Variants in SLC31A2 observed in about 807,000 individuals in gnomAD.
SLC31A2 encodes protein SLC31A2.
Under a neutral mutation model 14.4 loss-of-function variants are expected in SLC31A2, and 16 were observed. The observed-to-expected ratio is 1.11, with a 90% CI of 0.75 to 1.69. SLC31A2 has a LOEUF of 1.69. Ranked by LOEUF, SLC31A2 falls within the 40% of genes most tolerant of loss-of-function variation. SLC31A2 has a pLI of 0.00. For missense variants in SLC31A2, 140 were observed against 173.9 expected, an observed-to-expected ratio of 0.81 and a Z score of 1.10; for synonymous variants, 56 against 68.7, an observed-to-expected ratio of 0.82 and a Z score of 0.91.
At position 113,162,990 on chromosome 9, in the gene SLC31A2, T is replaced by G; in HGVS notation, c.*73T>G. ...CTCTTCCAGACACTATACTTCCAACTGCCCTTTCTTCTGATGGCTATTCCT... is the reference window on the plus strand; with the variant it reads ...CTCTTCCAGACACTATACTTCCAACGGCCCTTTCTTCTGATGGCTATTCCT... On this transcript the variant is annotated 3_prime_UTR_variant, in exon 4 of 4. Transcript: ENST00000259392. 7.4e-7 allele frequency: 1 copy of G among 1,343,346 alleles called. No individual in the cohort carries two copies. The highest frequency in any genetic ancestry group is 9.9e-7 in the Non-Finnish European group (1 of 1,006,322). 83.2% of individuals were successfully genotyped at this position (1,343,346 alleles called of 1,614,324 possible).
intron 3 of SLC31A2, chr9:113,162,118 C>T (rs763268785): frequency 5.7e-5 from 19 of 334,236 alleles, no homozygotes; most frequent in Non-Finnish European, 9.7e-5. Context: ...CTCCTCCCTT[C>T]CCACTCGAAT....
In SLC31A2 at chr9:113,163,123, C is replaced by T. The variant is rs568238005; in HGVS notation, c.*206C>T. On this transcript the variant is annotated 3_prime_UTR_variant, in exon 4 of 4. Transcript: ENST00000259392. ...CCTTCTCAGCCAGCCTACGTAGGGC[C>T]CAGGCATGGTCTTGTGTCTTAAGAC... 1 of 472,320 alleles carries T rather than the reference C, an allele frequency of 2.1e-6. No individual in the cohort carries two copies. Among genetic ancestry groups the T allele is most frequent in the Non-Finnish European group, 3.7e-6 (1 of 266,782 alleles). 29.3% of individuals were successfully genotyped at this position (472,320 alleles called of 1,614,324 possible).
At chr9:113,152,046 C>G (rs1314521546) in intron 1 of SLC31A2, 4 of 152,204 alleles carry the variant, frequency 2.6e-5, no homozygotes, top group Non-Finnish European at 5.9e-5. Context: ...AAAGCACTTG[C>G]AAAAGTTCCC....
Position 113,162,868 on chromosome 9 carries a change from G to C in SLC31A2, c.383G>C (p.Gly128Ala), listed in dbSNP as rs1830037735. 1 of 1,613,218 alleles carries C rather than the reference G, an allele frequency of 6.2e-7. No homozygotes were observed. Among genetic ancestry groups the C allele is most frequent in the African/African-American group, 1.3e-5 (1 of 74,878 alleles). The change falls in exon 4 of 4, where the codon GGC becomes GCC. Residue 128 changes from glycine to alanine, a missense_variant. By Grantham distance (60) the Gly-to-Ala change is moderately conservative. Coordinates refer to ENST00000259392, the MANE Select transcript of SLC31A2 (RefSeq NM_001860.3). ...TGGATTTTCCTTGGTGTGGTCTTGG[G>C]CTCTGCTGTGGGCTACTACCTAGCT... ...NTWIFLGVVL[G>A]SAVGYYLAYP...
intron 3 of SLC31A2, 23 bp from the exon 4 acceptor site, chr9:113,162,726 A>G: frequency 1.3e-6 from 2 of 1,599,294 alleles, no homozygotes; most frequent in South Asian, 2.2e-5. Context: ...ACCAGGATTA[A>G]CTTGCTTCTC....
intron 2 of SLC31A2, among the ~76,000 whole-genome samples, chr9:113,159,554 GA>G (rs887613344): frequency 2.6e-5 from 4 of 151,962 alleles, no homozygotes; most frequent in Non-Finnish European, 4.4e-5. Context: ...GAGCCTGTGG[GA>G]AAAAAAACCC....
At chr9:113,162,694 G>C (rs948098212) in intron 3 of SLC31A2, 55 bp from the exon 4 acceptor site, 1 of 1,524,442 alleles carries the variant, frequency 6.6e-7, no homozygotes, top group Non-Finnish European at 8.9e-7. Context: ...TCTACTCCCA[G>C]CTTCCTCATT....
At chr9:113,157,615 C>A in intron 1 of SLC31A2, 112 bp from the exon 2 acceptor site, 1 of 827,820 alleles carries the variant, frequency 1.2e-6, no homozygotes. Context: ...GCCCTTCCAG[C>A]ACTTCCAGTG....
intron 1 of SLC31A2, among the ~76,000 whole-genome samples, chr9:113,154,590 A>G (rs1829910391): frequency 1.3e-5 from 2 of 152,200 alleles, no homozygotes; most frequent in African/African-American, 4.8e-5. Flanking sequence ...ACTTTTAATA[A>G]GGCCCTGGAG....
At chr9:113,159,180 G>C (rs910290724) in intron 2 of SLC31A2, among the ~76,000 whole-genome samples, 1 of 152,098 alleles carries the variant, frequency 6.6e-6, no homozygotes, top group African/African-American at 2.4e-5. Context: ...GCCCAGGCTG[G>C]AATGCAGTGG....
chr9:113,157,582 G>T, intron 1 of SLC31A2, 145 bp from the exon 2 acceptor site: 4 of 650,542 alleles, frequency 6.1e-6, no homozygotes, highest in Admixed American at 5.0e-5. Flanking sequence ...TATGGCCTCA[G>T]TTGGCCCTGA....
chr9:113,155,352 C>T (rs1240097789), intron 1 of SLC31A2, among the ~76,000 whole-genome samples: 1 of 152,210 alleles, frequency 6.6e-6, no homozygotes, highest in Non-Finnish European at 1.5e-5. Context: ...AGCAACTTGG[C>T]AAGTTACTTA....
Position 113,162,892 on chromosome 9 carries a change from C to T in SLC31A2, c.407C>T (p.Ala136Val). The change falls in exon 4 of 4, where the codon GCT (alanine) becomes GTT (valine). Residue 136 changes from alanine (A) to valine (V), a missense_variant. Coordinates refer to ENST00000259392, the MANE Select transcript of SLC31A2 (RefSeq NM_001860.3). ...GGCTCTGCTGTGGGCTACTACCTAG[C>T]TTACCCACTTCTCAGCACAGCTTAG... is the stretch of plus-strand genomic sequence containing the variant. ...VLGSAVGYYL[A>V]YPLLSTA The T allele has an allele frequency of 2.5e-6, 4 of 1,611,966 alleles. No individual in the cohort carries two copies. Among genetic ancestry groups the T allele is most frequent in the Non-Finnish European group, 3.4e-6 (4 of 1,179,258 alleles).
intron 2 of SLC31A2, among the ~76,000 whole-genome samples, chr9:113,158,505 C>T (rs1368965311): frequency 1.3e-5 from 2 of 152,188 alleles, no homozygotes; most frequent in East Asian, 1.9e-4. Context: ...GTGGTCCTTA[C>T]TGAAGGTCTC....
intron 2 of SLC31A2, among the ~76,000 whole-genome samples, chr9:113,160,445 A>T (rs1829994767): frequency 6.6e-6 from 1 of 152,182 alleles, no homozygotes; most frequent in Non-Finnish European, 1.5e-5. Context: ...TAATGATCCA[A>T]TCAGGGTGAC....
In SLC31A2 at chr9:113,157,285, G is replaced by C. The variant is rs140406335; in HGVS notation, c.7-442G>C. On this transcript the variant is annotated intron_variant, in intron 1 of 3. Coordinates refer to ENST00000259392, the MANE Select transcript of SLC31A2 (RefSeq NM_001860.3). ...TCTGGGCCCCTCCACGATAAACACTGTGGGATCTGTCTAGACTGAACAGGA... is the reference window on the plus strand; with the variant it reads ...TCTGGGCCCCTCCACGATAAACACTCTGGGATCTGTCTAGACTGAACAGGA... 6.7e-3 allele frequency among the ~76,000 whole-genome samples: 1,018 copies of C among 152,342 alleles called. 13 individuals are homozygous for C. Among genetic ancestry groups the C allele is most frequent in the South Asian group, 0.014 (69 of 4,826 alleles).
Position 113,163,668 on chromosome 9 carries a change from C to CTGAT in SLC31A2, c.*752_*755dup, listed in dbSNP as rs35913692. ...TGCTTTCAGGCTCCTGGTTTATTCT[C>CTGAT]TGATAGACTGAGCTCCTTCCACCAG... On this transcript the variant is annotated 3_prime_UTR_variant, in exon 4 of 4. Coordinates refer to ENST00000259392, the MANE Select transcript of SLC31A2 (RefSeq NM_001860.3). 20,846 of 152,156 alleles carry CTGAT rather than the reference C, an allele frequency of 0.14. 1,849 individuals carry two copies. Among genetic ancestry groups the CTGAT allele is most frequent in the Non-Finnish European group, 0.19 (12,624 of 67,938 alleles). 9.4% of individuals were successfully genotyped at this position (152,156 alleles called of 1,614,324 possible).
At chr9:113,154,584 T>G (rs1277239412) in intron 1 of SLC31A2, among the ~76,000 whole-genome samples, 1 of 152,198 alleles carries the variant, frequency 6.6e-6, no homozygotes, top group Non-Finnish European at 1.5e-5. Flanking sequence ...ATCTGTACTT[T>G]TAATAAGGCC....
chr9:113,160,669 A>G (rs949779539), intron 2 of SLC31A2, among the ~76,000 whole-genome samples: 1 of 152,170 alleles, frequency 6.6e-6, no homozygotes, highest in South Asian at 2.1e-4. Context: ...CTGGTGATCA[A>G]TTCAACCTTC....
Sources: allele counts gnomAD v4.1 joint callset (sites outside exome capture counted in the v4.1 genomes callset), GRCh38; gene constraint gnomAD v4.1.1; transcripts MANE v1.5; gene names NCBI Gene and HGNC (gene_info 2026-07-23, HGNC 2026-07-21).